Variants in TAFA1 observed in about 807,000 individuals in gnomAD.
TAFA1 encodes the protein TAFA chemokine like family member 1.
In TAFA1, 4 loss-of-function variants were observed where a neutral mutation model predicts 18.5. The ratio of observed to expected loss-of-function variants is 0.22; its 90% CI spans 0.11 to 0.49. The LOEUF (loss-of-function observed/expected upper bound fraction) is 0.49, where lower values mean the gene tolerates loss of function less well. TAFA1 is among the 20% of genes least tolerant of loss of function. TAFA1 has a pLI of 0.98. For synonymous variants in TAFA1, 56 were observed against 55.2 expected, an observed-to-expected ratio of 1.01 and a Z score of -0.06; for missense variants, 147 against 169.0, an observed-to-expected ratio of 0.87 and a Z score of 0.72.
chr3:68,129,022 G>A (rs928356611), intron 2 of TAFA1, among the ~76,000 whole-genome samples: 2 of 152,188 alleles, frequency 1.3e-5, no homozygotes, highest in African/African-American at 4.8e-5. Flanking sequence ...TGACAAGCTA[G>A]TCTAAACATT....
rs560252038 is a variant in TAFA1 at position 68,038,693 on chromosome 3, T to G, written c.118+31949T>G. ...TAAAAAAAAAAAACTTTAAAAAAAC[T>G]ATGCAGGGGTCAATACTCGTCAGAA... On this transcript the variant is annotated intron_variant, in intron 2 of 4. Transcript: ENST00000478136. Among the ~76,000 whole-genome samples the G allele has an allele frequency of 1.6e-4, 24 of 152,070 alleles. No individual in the cohort carries two copies. In the South Asian group the frequency reaches 3.9e-3, roughly 25 times the overall value.
intron 2 of TAFA1, among the ~76,000 whole-genome samples, chr3:68,362,549 C>T (rs7640148): frequency 0.028 from 4,292 of 152,108 alleles, 144 homozygotes; most frequent in African/African-American, 0.078. Context: ...ACCTTCTCAA[C>T]GTATAAGCTT....
At chr3:68,523,167 C>T (rs2073053801) in intron 3 of TAFA1, among the ~76,000 whole-genome samples, 1 of 152,184 alleles carries the variant, frequency 6.6e-6, no homozygotes, top group Admixed American at 6.5e-5. Context: ...TAGGGAGTGG[C>T]AGGGACTATG....
intron 2 of TAFA1, among the ~76,000 whole-genome samples, chr3:68,100,886 G>T (rs2065139857): frequency 6.6e-6 from 1 of 152,050 alleles, no homozygotes; most frequent in Non-Finnish European, 1.5e-5. Flanking sequence ...AGGAACAAAA[G>T]GTGGGAAAAC....
In TAFA1 at chr3:68,545,612, T is replaced by C. The variant is rs1353573878; in HGVS notation, c.*1109T>C. 6.6e-6 allele frequency: 1 copy of C among 152,594 alleles called. No homozygotes were observed. Among genetic ancestry groups the C allele is most frequent in the Non-Finnish European group, 1.5e-5 (1 of 68,030 alleles). 9.5% of individuals were successfully genotyped at this position (152,594 alleles called of 1,614,324 possible). On this transcript the variant is annotated 3_prime_UTR_variant, in exon 5 of 5. Coordinates refer to ENST00000478136, the MANE Select transcript of TAFA1 (RefSeq NM_213609.4). ...AGCCCTATTAAAGTGGTAAACAACT[T>C]CTTTCTAAACCTACTTGTCTTCTTT... is the stretch of plus-strand genomic sequence containing the variant.
chr3:68,132,958 A>G (rs2106885364), intron 2 of TAFA1, among the ~76,000 whole-genome samples: 1 of 152,202 alleles, frequency 6.6e-6, no homozygotes, highest in South Asian at 2.1e-4. Flanking sequence ...TATGTCCTGA[A>G]TGGTATTGCC....
chr3:68,473,849 A>C (rs896230143), intron 3 of TAFA1, among the ~76,000 whole-genome samples: 1 of 152,140 alleles, frequency 6.6e-6, no homozygotes, highest in East Asian at 1.9e-4. Context: ...TTGTTGTTGT[A>C]TATAATCTCC....
intron 2 of TAFA1, among the ~76,000 whole-genome samples, chr3:68,093,840 A>G (rs1247774519): frequency 6.6e-6 from 1 of 152,036 alleles, no homozygotes; most frequent in African/African-American, 2.4e-5. Context: ...TTCCCCCTTA[A>G]ATGAGAACTT....
rs1328067411 is a variant in TAFA1 at position 68,259,972 on chromosome 3, ATG to A, written c.119-157306_119-157305del. Among the ~76,000 whole-genome samples, 5 of 151,950 alleles carry A rather than the reference ATG, an allele frequency of 3.3e-5. No individual in the cohort carries two copies. In the East Asian group the frequency reaches 9.7e-4, roughly 29 times the overall value. On this transcript the variant is annotated intron_variant, in intron 2 of 4. Coordinates refer to ENST00000478136, the MANE Select transcript of TAFA1 (RefSeq NM_213609.4). ...TGCCCTGGCCAGAACTTCCAACACT[ATG>A]TTGAATAGGAGTGGTGAGAGAGGGC...
intron 2 of TAFA1, among the ~76,000 whole-genome samples, chr3:68,259,405 G>T (rs1205190000): frequency 3.3e-5 from 5 of 152,186 alleles, no homozygotes; most frequent in Non-Finnish European, 5.9e-5. Context: ...GCTTAGGAGT[G>T]ACTTGGCGAT....
At chr3:68,375,845 A>G (rs2069801203) in intron 2 of TAFA1, among the ~76,000 whole-genome samples, 1 of 152,218 alleles carries the variant, frequency 6.6e-6, no homozygotes, top group African/African-American at 2.4e-5. Flanking sequence ...GGCTTCTAAT[A>G]TACAATGGAG....
chr3:68,024,805 GCA>G (rs3037727), intron 2 of TAFA1, among the ~76,000 whole-genome samples: 13 of 73,618 alleles, frequency 1.8e-4, no homozygotes, highest in South Asian at 6.0e-4. Flanking sequence ...TCTCCTTAAT[GCA>G]CACACACACA....
chr3:68,129,118 G>A (rs1328885614), intron 2 of TAFA1, among the ~76,000 whole-genome samples: 1 of 152,214 alleles, frequency 6.6e-6, no homozygotes, highest in East Asian at 1.9e-4. Context: ...ATCTAAGGGC[G>A]AGTGGGGCAG....
chr3:68,052,149 A>G (rs1054408506), intron 2 of TAFA1, among the ~76,000 whole-genome samples: 1 of 152,124 alleles, frequency 6.6e-6, no homozygotes, highest in African/African-American at 2.4e-5. Flanking sequence ...TGCTTTCTGT[A>G]CTGAATTTCA....
At chr3:68,082,176 G>C in intron 2 of TAFA1, among the ~76,000 whole-genome samples, 1 of 143,492 alleles carries the variant, frequency 7.0e-6, no homozygotes, top group Non-Finnish European at 1.5e-5. Flanking sequence ...TTCGGCTCGC[G>C]CATGGTGTGC....
chr3:68,380,589 A>G (rs1174648447), intron 2 of TAFA1, among the ~76,000 whole-genome samples: 2 of 152,126 alleles, frequency 1.3e-5, no homozygotes, highest in East Asian at 1.9e-4. Flanking sequence ...GTCTGTTCAT[A>G]TCCTTCGCCC....
intron 3 of TAFA1, among the ~76,000 whole-genome samples, chr3:68,495,692 G>A (rs931496508): frequency 6.6e-6 from 1 of 152,068 alleles, no homozygotes; most frequent in African/African-American, 2.4e-5. Context: ...ATGATCTACA[G>A]TCCACACTGC....
At chr3:68,249,383 TC>T (rs1348501541) in intron 2 of TAFA1, among the ~76,000 whole-genome samples, 1 of 152,238 alleles carries the variant, frequency 6.6e-6, no homozygotes, top group East Asian at 1.9e-4. Flanking sequence ...GAAAATGTCT[TC>T]CCCAGCTGTT....
At chr3:68,429,542 A>G (rs2071126842) in intron 3 of TAFA1, among the ~76,000 whole-genome samples, 1 of 151,846 alleles carries the variant, frequency 6.6e-6, no homozygotes, top group Admixed American at 6.6e-5. Flanking sequence ...TTCACTTCTT[A>G]TATTTGCTCT....
Sources: allele counts gnomAD v4.1 joint callset (sites outside exome capture counted in the v4.1 genomes callset), GRCh38; gene constraint gnomAD v4.1.1; transcripts MANE v1.5; gene names NCBI Gene and HGNC (gene_info 2026-07-23, HGNC 2026-07-21).